The following BNC2 variants were observed in gnomAD, a reference collection of about 807,000 sequenced individuals.
The protein encoded by BNC2 is basonuclin zinc finger protein 2, also known as zinc finger protein basonuclin-2.
In BNC2, 20 loss-of-function variants were observed where a neutral mutation model predicts 76.3. The observed-to-expected ratio is 0.26, with a 90% CI of 0.18 to 0.38. The LOEUF is 0.38. Among genes scored for constraint, BNC2 ranks in the 10% least tolerant of loss-of-function variants. The probability of loss-of-function intolerance (pLI) is 1.00; values close to 1 mark genes in which losing one functional copy is unlikely to be tolerated. For missense variants in BNC2, 1,382 were observed against 1,399.8 expected, an observed-to-expected ratio of 0.99 and a Z score of 0.20; for synonymous variants, 582 against 514.8, an observed-to-expected ratio of 1.13 and a Z score of -1.77.
chr9:16,524,713 G>C (rs903388401), intron 5 of BNC2, among the ~76,000 whole-genome samples: 1 of 152,060 alleles, frequency 6.6e-6, no homozygotes, highest in Non-Finnish European at 1.5e-5. Context: ...TTAATAATAA[G>C]CTCTATACAA....
intron 3 of BNC2, among the ~76,000 whole-genome samples, chr9:16,664,624 T>C (rs1395996546): frequency 6.6e-6 from 1 of 151,378 alleles, no homozygotes; most frequent in African/African-American, 2.4e-5. Flanking sequence ...TTGGGTAGGA[T>C]GCTCATCAAT....
At chr9:16,605,737 T>C (rs1820364557) in intron 3 of BNC2, among the ~76,000 whole-genome samples, 4 of 151,396 alleles carry the variant, frequency 2.6e-5, no homozygotes, top group Non-Finnish European at 5.9e-5. Context: ...TCAGAGTCTG[T>C]GATATAATTA....
chr9:16,813,816 G>A, intron 1 of BNC2, among the ~76,000 whole-genome samples: 1 of 152,004 alleles, frequency 6.6e-6, no homozygotes, highest in Non-Finnish European at 1.5e-5. Flanking sequence ...TTGTTTTTTT[G>A]TTTTTGTTTT....
In BNC2 at chr9:16,738,385, C is replaced by T. The variant is rs1563921337; in HGVS notation, c.104G>A (p.Cys35Tyr). The T allele has an allele frequency of 6.2e-7, 1 of 1,613,952 alleles. No homozygotes were observed. The highest frequency in any genetic ancestry group is 1.7e-5 in the Admixed American group (1 of 60,010). ...DWPAYFKVPCCGVDTSQIESE... is the reference protein window; with the variant it reads ...DWPAYFKVPCYGVDTSQIESE... Reference sequence around the variant, plus strand: ...CTCAATTTGAGATGTATCAACCCCACAACATGGGACCTTGAAATATGCTGG... The same window carrying T: ...CTCAATTTGAGATGTATCAACCCCATAACATGGGACCTTGAAATATGCTGG... The change falls in exon 2 of 7, where the codon TGT becomes TAT. Residue 35 changes from cysteine to tyrosine, a missense_variant. Cys to Tyr is a radical substitution (Grantham distance 194). This residue lies in a region of BNC2 where 557 missense variants were observed against 540.9 expected (regional missense o/e 1.03). Transcript: ENST00000380672.
At chr9:16,568,091 G>A (rs997323712) in intron 4 of BNC2, among the ~76,000 whole-genome samples, 1 of 152,092 alleles carries the variant, frequency 6.6e-6, no homozygotes, top group Non-Finnish European at 1.5e-5. Context: ...AAGGCTAATT[G>A]TTTCGAGAAC....
intron 1 of BNC2, among the ~76,000 whole-genome samples, chr9:16,777,050 T>G (rs370610796): frequency 6.6e-6 from 1 of 151,728 alleles, no homozygotes; most frequent in Non-Finnish European, 1.5e-5. Context: ...CACTTGAACC[T>G]AGGAGGCGGA....
chr9:16,485,125 C>CACAG (rs71325972), intron 5 of BNC2, among the ~76,000 whole-genome samples: 25,712 of 151,784 alleles, frequency 0.17, 2,482 homozygotes, highest in South Asian at 0.27. Context: ...CACACACACA[C>CACAG]ACACACTATT....
chr9:16,616,486 C>T (rs1306775728), intron 3 of BNC2, among the ~76,000 whole-genome samples: 1 of 151,784 alleles, frequency 6.6e-6, no homozygotes, highest in African/African-American at 2.4e-5. Flanking sequence ...CACTTGAGCC[C>T]AGGAGTTCAA....
At chr9:16,749,116 T>C (rs1384934586) in intron 1 of BNC2, among the ~76,000 whole-genome samples, 2 of 152,008 alleles carry the variant, frequency 1.3e-5, no homozygotes, top group Non-Finnish European at 2.9e-5. Flanking sequence ...AAAGCACAGT[T>C]CCTGCCTGCT....
chr9:16,636,443 T>C (rs1049532359), intron 3 of BNC2, among the ~76,000 whole-genome samples: 3 of 151,936 alleles, frequency 2.0e-5, no homozygotes, highest in Non-Finnish European at 4.4e-5. Context: ...GCTGGGACTA[T>C]AAGAGCAGGC....
chr9:16,498,296 C>CAT lies in BNC2; in HGVS notation c.669+54232_669+54233dup, dbSNP rs150566244. ...TCCATCATATATATATATATTCCAT[C>CAT]ATATATATATATGAATATATGATGG... On this transcript the variant is annotated intron_variant, in intron 5 of 6. Transcript: ENST00000380672. Among the ~76,000 whole-genome samples the CAT allele has an allele frequency of 3.0e-3, 307 of 102,210 alleles. 10 individuals carry two copies. The highest frequency in any genetic ancestry group is 8.4e-3 in the African/African-American group (283 of 33,578). 67.1% of individuals were successfully genotyped at this position (102,210 alleles called of 152,430 possible).
At chr9:16,495,631 T>G (rs1490251064) in intron 5 of BNC2, among the ~76,000 whole-genome samples, 1 of 152,240 alleles carries the variant, frequency 6.6e-6, no homozygotes, top group Admixed American at 6.5e-5. Context: ...CCAAGCCATG[T>G]GCTCTGGTTT....
intron 3 of BNC2, among the ~76,000 whole-genome samples, chr9:16,697,361 AAATT>A (rs1286945511): frequency 4.6e-5 from 7 of 152,010 alleles, no homozygotes; most frequent in African/African-American, 1.7e-4. Flanking sequence ...TACAAAAATA[AAATT>A]AATTAATTAA....
intron 5 of BNC2, among the ~76,000 whole-genome samples, chr9:16,518,562 A>G (rs541013536): frequency 2.5e-4 from 36 of 146,722 alleles, no homozygotes; most frequent in African/African-American, 9.5e-4. Flanking sequence ...CAGGTGCAAA[A>G]GTCATATATA....
At chr9:16,419,960 T>C (rs986114314) in intron 6 of BNC2, among the ~76,000 whole-genome samples, 4 of 152,186 alleles carry the variant, frequency 2.6e-5, no homozygotes, top group East Asian at 1.9e-4. Context: ...AGTTTTACTA[T>C]GTAGCAGCAT....
chr9:16,573,694 C>T (rs976919262), intron 4 of BNC2, among the ~76,000 whole-genome samples: 2 of 152,078 alleles, frequency 1.3e-5, no homozygotes, highest in Admixed American at 6.6e-5. Context: ...AGCAGCTGAA[C>T]GAAGAGAGGA....
At chr9:16,566,462 G>A (rs1819170652) in intron 4 of BNC2, among the ~76,000 whole-genome samples, 1 of 152,116 alleles carries the variant, frequency 6.6e-6, no homozygotes, top group Non-Finnish European at 1.5e-5. Context: ...AAGGCAATTT[G>A]GAGGGTAAGG....
chr9:16,751,039 G>A (rs1271920018), intron 1 of BNC2, among the ~76,000 whole-genome samples: 1 of 152,102 alleles, frequency 6.6e-6, no homozygotes. Flanking sequence ...CCAACCATCA[G>A]TCTAAATTCA....
intron 4 of BNC2, among the ~76,000 whole-genome samples, chr9:16,566,962 A>G (rs116151025): frequency 0.018 from 2,816 of 152,314 alleles, 106 homozygotes; most frequent in African/African-American, 0.063. Flanking sequence ...AATTCATACA[A>G]TACAAGCTCC....
Sources: allele counts gnomAD v4.1 joint callset (sites outside exome capture counted in the v4.1 genomes callset), GRCh38; gene constraint gnomAD v4.1.1; regional missense constraint gnomAD v4.1.1; transcripts MANE v1.5; gene names NCBI Gene and HGNC (gene_info 2026-07-23, HGNC 2026-07-21).